PKHD1: variants seen among roughly 807,000 people sequenced by gnomAD.
PKHD1 encodes fibrocystin.
In PKHD1, 291 loss-of-function variants were observed where a neutral mutation model predicts 412.0. The observed-to-expected ratio is 0.71, with a 90% CI of 0.64 to 0.78. The LOEUF (loss-of-function observed/expected upper bound fraction) is 0.78, where lower values mean the gene tolerates loss of function less well. Among genes scored for constraint, PKHD1 ranks in the 30% least tolerant of loss-of-function variants. PKHD1 has a pLI of 0.00. For missense variants in PKHD1, 4,825 were observed against 4,950.7 expected (o/e 0.97, Z 0.76); for synonymous variants, 1,777 against 1,821.5 (o/e 0.98, Z 0.62).
chr6:52,024,645 A>G lies in PKHD1; in HGVS notation c.5165T>C (p.Ile1722Thr). Reference protein sequence around the residue: ...GEYHVRGYDCIRGWASSALVF... With the variant: ...GEYHVRGYDCTRGWASSALVF... The stretch of plus-strand genomic sequence containing the variant: ...CAGGGCAGATGAGGCCCACCCTCTG[A>G]TGCAGTCATAGCCTCTGACGTGGTA... The change falls in exon 32 of 67, where the codon ATC (isoleucine) becomes ACC (threonine). Residue 1722 changes from isoleucine to threonine, a missense_variant. Transcript: ENST00000371117. 1 of 1,614,186 alleles carries G rather than the reference A, an allele frequency of 6.2e-7. No homozygotes were observed. Among genetic ancestry groups the G allele is most frequent in the Non-Finnish European group, 8.5e-7 (1 of 1,180,018 alleles).
chr6:51,943,302 A>T (rs1788866249), intron 36 of PKHD1, among the ~76,000 whole-genome samples: 2 of 151,364 alleles, frequency 1.3e-5, no homozygotes, highest in Admixed American at 1.3e-4. Context: ...TACAAGGTAC[A>T]GCCCATTTGA....
chr6:52,083,183 A>G lies in PKHD1; in HGVS notation c.125T>C (p.Phe42Ser). 1 of 1,603,894 alleles carries G rather than the reference A, an allele frequency of 6.2e-7. No homozygotes were observed. The highest frequency in any genetic ancestry group is 8.5e-7 in the Non-Finnish European group (1 of 1,170,648). The change falls in exon 3 of 67, where the codon TTT (phenylalanine) becomes TCT (serine). Residue 42 changes from phenylalanine to serine, a missense_variant. Transcript: ENST00000371117. ...LAGGTWITVIFDGLELGVLYP... is the reference protein window; with the variant it reads ...LAGGTWITVISDGLELGVLYP... The stretch of plus-strand genomic sequence containing the variant: ...TTGGTAAAACCCCAACCTACCATCA[A>G]AAATGACTGTGATCCACGTTCCCCC...
intron 61 of PKHD1, among the ~76,000 whole-genome samples, chr6:51,657,102 C>A (rs1259188235): frequency 7.5e-6 from 1 of 133,776 alleles, no homozygotes; most frequent in Non-Finnish European, 1.6e-5. Context: ...CATGAAAAAA[C>A]TTAAAGTATA....
In PKHD1 at chr6:52,083,180, T is replaced by A; in HGVS notation, c.128A>T (p.Asp43Val). 6.3e-7 allele frequency: 1 copy of A among 1,599,746 alleles called. No homozygotes were observed. Among genetic ancestry groups the A allele is most frequent in the Non-Finnish European group, 8.6e-7 (1 of 1,166,920 alleles). Residue 43 changes from aspartate to valine, a missense_variant and splice_region_variant, in exon 3 of 67, where the codon GAT (aspartate) becomes GTT (valine). Physicochemically the swap from Asp to Val is radical, Grantham distance 152 (BLOSUM62 -3). Transcript: ENST00000371117. ...AGGTWITVIFDGLELGVLYPN... is the reference protein window; with the variant it reads ...AGGTWITVIFVGLELGVLYPN... ...CACTTGGTAAAACCCCAACCTACCA[T>A]CAAAAATGACTGTGATCCACGTTCC... is the stretch of plus-strand genomic sequence containing the variant.
chr6:51,900,126 C>T (rs916405274), intron 43 of PKHD1, among the ~76,000 whole-genome samples: 11 of 152,162 alleles, frequency 7.2e-5, no homozygotes, highest in Non-Finnish European at 1.3e-4. Flanking sequence ...CCATCCCCAT[C>T]AAGCTACCAA....
intron 60 of PKHD1, among the ~76,000 whole-genome samples, chr6:51,727,629 A>C (rs1312354207): frequency 6.6e-6 from 1 of 152,184 alleles, no homozygotes; most frequent in Non-Finnish European, 1.5e-5. Flanking sequence ...GGAGGTGAGC[A>C]TGCACAGTGT....
chr6:52,049,652 T>C (rs1401412223), intron 22 of PKHD1, among the ~76,000 whole-genome samples: 1 of 152,212 alleles, frequency 6.6e-6, no homozygotes, highest in Non-Finnish European at 1.5e-5. Context: ...GAAATGGTTA[T>C]TATGAAGCAA....
intron 35 of PKHD1, among the ~76,000 whole-genome samples, chr6:51,969,917 T>C (rs927500501): frequency 6.6e-6 from 1 of 152,232 alleles, no homozygotes; most frequent in Non-Finnish European, 1.5e-5. Flanking sequence ...AGGTATCTTT[T>C]TGATATAATA....
chr6:52,020,440 A>G (rs912234656), intron 33 of PKHD1, among the ~76,000 whole-genome samples: 8 of 152,328 alleles, frequency 5.3e-5, no homozygotes, highest in African/African-American at 1.7e-4. Flanking sequence ...GGGGCTTCAA[A>G]TTAGGAAAGA....
At chr6:51,922,316 A>T (rs752254540) in intron 37 of PKHD1, among the ~76,000 whole-genome samples, 35 of 152,250 alleles carry the variant, frequency 2.3e-4, no homozygotes, top group Non-Finnish European at 4.1e-4. Flanking sequence ...CTTCTTCTGG[A>T]AGCTTCATCT....
intron 6 of PKHD1, among the ~76,000 whole-genome samples, chr6:52,074,699 A>G (rs975930164): frequency 1.3e-5 from 2 of 152,200 alleles, no homozygotes; most frequent in South Asian, 2.1e-4. Context: ...AGGACTGCTA[A>G]CCACGTATAG....
At chr6:51,848,956 G>A (rs1357004728) in intron 49 of PKHD1, among the ~76,000 whole-genome samples, 2 of 137,974 alleles carry the variant, frequency 1.4e-5, no homozygotes, top group African/African-American at 5.4e-5. Context: ...AAAAAAACAG[G>A]ATACAGGTGC....
intron 52 of PKHD1, among the ~76,000 whole-genome samples, chr6:51,817,638 C>T (rs1017202776): frequency 1.3e-5 from 2 of 152,180 alleles, no homozygotes; most frequent in Non-Finnish European, 2.9e-5. Context: ...TGAATGAGAG[C>T]GGCTGGGATT....
At chr6:52,038,374 C>CAAAA (rs34413030) in intron 27 of PKHD1, among the ~76,000 whole-genome samples, 7 of 111,560 alleles carry the variant, frequency 6.3e-5, no homozygotes, top group African/African-American at 2.3e-4. Context: ...GACTCGGTCT[C>CAAAA]AAAAAAAAAA....
rs369202097 is a variant in PKHD1 at position 51,652,486 on chromosome 6, T to C, written c.11175-3266A>G. Among the ~76,000 whole-genome samples the C allele has an allele frequency of 2.0e-5, 3 of 152,180 alleles. No individual in the cohort carries two copies. The South Asian group carries it at 6.2e-4, about 32-fold the overall frequency. Reference sequence around the variant, plus strand: ...TCTTCAACCTTCTTCTCAAAGCTACTAAGCCGAGTTCCTATAAAAAGCCTC... The same window carrying C: ...TCTTCAACCTTCTTCTCAAAGCTACCAAGCCGAGTTCCTATAAAAAGCCTC... On this transcript the variant is annotated intron_variant, in intron 61 of 66. Coordinates refer to ENST00000371117, the MANE Select transcript of PKHD1 (RefSeq NM_138694.4).
intron 35 of PKHD1, among the ~76,000 whole-genome samples, chr6:51,967,143 GA>G (rs532037936): frequency 0.027 from 3,983 of 149,548 alleles, 546 homozygotes; most frequent in Admixed American, 0.24. Flanking sequence ...ATATGTCATA[GA>G]AAAAAAAAAT....
At position 51,721,254 on chromosome 6, in the gene PKHD1, C is replaced by T. The variant is rs143246316; in HGVS notation, c.10156+23131G>A. 4.5e-4 allele frequency: 426 copies of T among 948,204 alleles called. 1 individual carries two copies. The African/African-American group carries it at 7.2e-3, about 16-fold the overall frequency. 58.7% of individuals were successfully genotyped at this position (948,204 alleles called of 1,614,324 possible). A position where few individuals can be genotyped will look rare whatever the true frequency, so the allele number is the denominator to read the frequency against. ...GCATAAATGGGTTATCTTTACCACA[C>T]CAATATTCTTGGTAATAAACTTACA... On this transcript the variant is annotated intron_variant, in intron 60 of 66. Coordinates refer to ENST00000371117, the MANE Select transcript of PKHD1 (RefSeq NM_138694.4).
intron 27 of PKHD1, 38 bp from the exon 28 acceptor site, chr6:52,035,759 C>T (rs374479246): frequency 4.2e-5 from 68 of 1,605,922 alleles, no homozygotes; most frequent in Non-Finnish European, 4.8e-5. Context: ...GGATCACCAA[C>T]CATACAGGCA....
At chr6:51,740,226 C>T (rs1042418936) in intron 60 of PKHD1, among the ~76,000 whole-genome samples, 2 of 152,196 alleles carry the variant, frequency 1.3e-5, no homozygotes, top group Non-Finnish European at 2.9e-5. Flanking sequence ...TCTCCCCTGG[C>T]TACACATCCT....
Sources: gnomAD v4.1 joint callset for allele counts (sites outside exome capture counted in the v4.1 genomes callset) on GRCh38, gnomAD v4.1.1 for gene constraint, MANE v1.5 for transcripts, NCBI Gene and HGNC (gene_info 2026-07-23, HGNC 2026-07-21) for gene names.